VEPH1: variants seen among roughly 807,000 people sequenced by gnomAD.
The protein encoded by VEPH1 is ventricular zone-expressed PH domain-containing protein homolog 1.
Under a neutral mutation model 85.2 loss-of-function variants are expected in VEPH1, and 80 were observed. The ratio of observed to expected loss-of-function variants is 0.94; its 90% confidence interval spans 0.78 to 1.13. The LOEUF is 1.13. Ranked by LOEUF, VEPH1 falls within the 50% of genes most tolerant of loss-of-function variation. The pLI is 0.00. For missense variants in VEPH1, 955 were observed against 980.5 expected (o/e 0.97, Z 0.35); for synonymous variants, 297 against 348.0 (o/e 0.85, Z 1.63).
intron 7 of VEPH1, among the ~76,000 whole-genome samples, chr3:157,380,820 T>C (rs1424308002): frequency 2.0e-5 from 3 of 152,252 alleles, no homozygotes; most frequent in Admixed American, 6.5e-5. Flanking sequence ...TCTAGCTTCC[T>C]GATACATAGT....
At chr3:157,383,419 G>A (rs1251100010) in intron 6 of VEPH1, among the ~76,000 whole-genome samples, 2 of 152,182 alleles carry the variant, frequency 1.3e-5, no homozygotes, top group African/African-American at 4.8e-5. Context: ...CAGTGTGTGT[G>A]TCTCAATTTA....
chr3:157,317,711 T>TG (rs1201871621), intron 9 of VEPH1, among the ~76,000 whole-genome samples: 3 of 152,194 alleles, frequency 2.0e-5, no homozygotes, highest in African/African-American at 7.2e-5. Context: ...CATCTCGCCT[T>TG]GAAGGATTTC....
At chr3:157,409,734 A>G (rs1330169206) in intron 6 of VEPH1, 1 of 985,290 alleles carries the variant, frequency 1.0e-6, no homozygotes, top group African/African-American at 1.7e-5. Context: ...ATTTCCCAGT[A>G]GCCAGCCCTG....
chr3:157,465,864 T>C (rs141120248), intron 3 of VEPH1, among the ~76,000 whole-genome samples: 155 of 152,298 alleles, frequency 1.0e-3, no homozygotes, highest in African/African-American at 3.7e-3. Context: ...GCTTTGGTTA[T>C]TTCCCTCTTC....
intron 4 of VEPH1, among the ~76,000 whole-genome samples, chr3:157,441,018 T>G (rs1308417107): frequency 6.6e-6 from 1 of 152,248 alleles, no homozygotes; most frequent in Non-Finnish European, 1.5e-5. Flanking sequence ...GCTACATACT[T>G]GCTGCTTACA....
intron 9 of VEPH1, among the ~76,000 whole-genome samples, chr3:157,328,989 T>C (rs1358054559): frequency 1.3e-5 from 2 of 152,216 alleles, no homozygotes; most frequent in Non-Finnish European, 2.9e-5. Flanking sequence ...ATCTAGACTG[T>C]TTGACTCTAG....
intron 11 of VEPH1, among the ~76,000 whole-genome samples, chr3:157,290,341 T>C (rs925027484): frequency 3.9e-5 from 6 of 152,212 alleles, no homozygotes; most frequent in Non-Finnish European, 5.9e-5. Flanking sequence ...ATACCTTGAC[T>C]GTAGCCCTGT....
chr3:157,263,815 C>G (rs1713244421), intron 13 of VEPH1, among the ~76,000 whole-genome samples: 1 of 152,126 alleles, frequency 6.6e-6, no homozygotes, highest in Admixed American at 6.5e-5. Flanking sequence ...TTAAAATGTT[C>G]AAATACATTT....
At chr3:157,466,872 A>T (rs1320295822) in intron 3 of VEPH1, among the ~76,000 whole-genome samples, 1 of 152,210 alleles carries the variant, frequency 6.6e-6, no homozygotes, top group Admixed American at 6.5e-5. Flanking sequence ...CAAAAAACAA[A>T]TTCACAAGTG....
In VEPH1 at chr3:157,260,908, T is replaced by G. The variant is rs1712794129; in HGVS notation, c.*226A>C. On this transcript the variant is annotated 3_prime_UTR_variant, in exon 14 of 14. Transcript: ENST00000362010. ...CTCTGTAGCTCCTTTTATTTTATTTTATTTTTGTGGGCATCAGATATATTC... is the reference window on the plus strand; with the variant it reads ...CTCTGTAGCTCCTTTTATTTTATTTGATTTTTGTGGGCATCAGATATATTC... 1.8e-6 allele frequency: 1 copy of G among 554,526 alleles called. No homozygotes were observed. Among genetic ancestry groups the G allele is most frequent in the Non-Finnish European group, 3.1e-6 (1 of 324,318 alleles). The allele number at this position is 554,526 out of a possible 1,614,324, so 34.4% of individuals were successfully genotyped here.
intron 9 of VEPH1, among the ~76,000 whole-genome samples, chr3:157,321,038 G>A (rs1721293642): frequency 6.6e-6 from 1 of 151,850 alleles, no homozygotes; most frequent in African/African-American, 2.4e-5. Flanking sequence ...ATATTTTTTG[G>A]TTTAGAGATA....
chr3:157,398,364 G>A (rs370297532), intron 6 of VEPH1, among the ~76,000 whole-genome samples: 3 of 152,166 alleles, frequency 2.0e-5, no homozygotes, highest in Non-Finnish European at 2.9e-5. Flanking sequence ...GACCAGGAGC[G>A]GTGGCTCAAG....
intron 6 of VEPH1, among the ~76,000 whole-genome samples, chr3:157,397,506 T>C (rs1422320119): frequency 1.3e-5 from 2 of 152,226 alleles, no homozygotes; most frequent in Non-Finnish European, 2.9e-5. Flanking sequence ...ATTGAATCTA[T>C]AGGCAGTATG....
chr3:157,442,062 T>C (rs1734165539), intron 4 of VEPH1, among the ~76,000 whole-genome samples: 1 of 152,186 alleles, frequency 6.6e-6, no homozygotes, highest in South Asian at 2.1e-4. Context: ...AAAGAAAATA[T>C]GCAAATTGGA....
chr3:157,354,769 G>A lies in VEPH1; in HGVS notation c.1735+8595C>T, dbSNP rs1577421880. On this transcript the variant is annotated intron_variant, in intron 9 of 13. Coordinates refer to ENST00000362010, the MANE Select transcript of VEPH1 (RefSeq NM_001167912.2). ...GCTTTTGTTTGCTGCTATATCTTCA[G>A]TGCCTAGCAAAACTTAGGGACTCAA... Among the ~76,000 whole-genome samples, 3 of 152,262 alleles carry A rather than the reference G, an allele frequency of 2.0e-5. No individual in the cohort carries two copies. The East Asian group carries it at 5.8e-4, about 29-fold the overall frequency.
chr3:157,394,320 T>C (rs1730166478), intron 6 of VEPH1, among the ~76,000 whole-genome samples: 1 of 152,222 alleles, frequency 6.6e-6, no homozygotes, highest in Non-Finnish European at 1.5e-5. Flanking sequence ...AGTGCAATAA[T>C]ATAGTTGTTT....
At chr3:157,406,757 TG>T (rs1731168643) in intron 6 of VEPH1, among the ~76,000 whole-genome samples, 2 of 137,608 alleles carry the variant, frequency 1.5e-5, no homozygotes, top group African/African-American at 5.7e-5. Flanking sequence ...TGAGATCATT[TG>T]TAAAAAAAAT....
chr3:157,460,264 G>T lies in VEPH1; in HGVS notation c.446C>A (p.Ser149Tyr). Residue 149 changes from serine to tyrosine, a missense_variant, in exon 4 of 14, where the codon TCT (serine) becomes TAT (tyrosine). Ser to Tyr is a moderately radical substitution (Grantham distance 144, BLOSUM62 -2). Coordinates refer to ENST00000362010, the MANE Select transcript of VEPH1 (RefSeq NM_001167912.2). The part of the protein sequence containing the change: ...RGNKELCRNM[S>Y]NYLSLAAITK... ...AATTGCAGCCAGAGACAGGTAGTTA[G>T]ACATATTCCTGCACAGTTCCTTGTT... The T allele has an allele frequency of 6.2e-7, 1 of 1,614,224 alleles. No individual in the cohort carries two copies. The highest frequency in any genetic ancestry group is 1.1e-5 in the South Asian group (1 of 91,084).
chr3:157,497,119 T>G (rs114540429), intron 1 of VEPH1, among the ~76,000 whole-genome samples: 141 of 152,262 alleles, frequency 9.3e-4, no homozygotes, highest in Non-Finnish European at 1.7e-3. Flanking sequence ...GACTCCAAGT[T>G]CATAACCATT....
Sources: gnomAD v4.1 joint callset for allele counts (sites outside exome capture counted in the v4.1 genomes callset) on GRCh38, gnomAD v4.1.1 for gene constraint, MANE v1.5 for transcripts, NCBI Gene and HGNC (gene_info 2026-07-23, HGNC 2026-07-21) for gene names.